Variants in PKP4 observed in about 807,000 individuals in gnomAD.
PKP4 encodes plakophilin 4.
A neutral mutation model predicts 145.1 loss-of-function variants in PKP4; 90 were observed. The observed-to-expected ratio is 0.62, with a 90% confidence interval of 0.52 to 0.74. The LOEUF (loss-of-function observed/expected upper bound fraction) is 0.74, where lower values mean the gene tolerates loss of function less well. Among genes scored for constraint, PKP4 ranks in the 30% least tolerant of loss-of-function variants. The pLI is 0.00. For synonymous variants in PKP4, 563 were observed against 577.2 expected, an observed-to-expected ratio of 0.98 and a Z score of 0.35; for missense variants, 1,340 against 1,482.7, an observed-to-expected ratio of 0.90 and a Z score of 1.58.
rs183651519 is a variant in PKP4 at position 158,496,273 on chromosome 2, G to A, written c.-5-36907G>A. On this transcript the variant is annotated intron_variant, in intron 1 of 21. Transcript: ENST00000389759. ...TGGGATTACAGGCTTGAGCCACTGC[G>A]CCTGGCCCAAAAATATTTTAAATAG... is the stretch of plus-strand genomic sequence containing the variant. Among the ~76,000 whole-genome samples the A allele has an allele frequency of 1.5e-3, 227 of 152,200 alleles. 1 individual carries two copies. Among genetic ancestry groups the A allele is most frequent in the African/African-American group, 5.0e-3 (208 of 41,518 alleles).
intron 4 of PKP4, among the ~76,000 whole-genome samples, chr2:158,604,393 G>A (rs2050478723): frequency 6.6e-6 from 1 of 152,286 alleles, no homozygotes; most frequent in South Asian, 2.1e-4. Context: ...CCGTGATCAT[G>A]GGGAGACACT....
At chr2:158,496,784 G>C (rs111777310) in intron 1 of PKP4, among the ~76,000 whole-genome samples, 11 of 108,728 alleles carry the variant, frequency 1.0e-4, no homozygotes, top group Non-Finnish European at 2.2e-4. Context: ...GTGTGTGTGT[G>C]TGTGTGTGTG....
intron 11 of PKP4, among the ~76,000 whole-genome samples, chr2:158,643,714 A>AAAAC (rs2054535269): frequency 9.4e-6 from 1 of 106,812 alleles, no homozygotes; most frequent in Non-Finnish European, 2.1e-5. Context: ...CCCTGTTTCA[A>AAAAC]AAAAAAAAAA....
intron 2 of PKP4, among the ~76,000 whole-genome samples, chr2:158,570,026 T>C (rs923198547): frequency 1.3e-5 from 2 of 152,224 alleles, no homozygotes; most frequent in Non-Finnish European, 2.9e-5. Flanking sequence ...CAATGATGAT[T>C]GACATCATAT....
chr2:158,522,681 G>A (rs137894343), intron 1 of PKP4, among the ~76,000 whole-genome samples: 3,300 of 152,300 alleles, frequency 0.022, 104 homozygotes, highest in African/African-American at 0.073. Flanking sequence ...CGTGAGCGAC[G>A]CAGAAGACGG....
intron 1 of PKP4, among the ~76,000 whole-genome samples, chr2:158,484,342 C>T (rs112083943): frequency 0.018 from 2,722 of 152,292 alleles, 36 homozygotes; most frequent in Non-Finnish European, 0.027. Context: ...CCACCGCGCC[C>T]GGCCTGCACA....
intron 2 of PKP4, among the ~76,000 whole-genome samples, chr2:158,538,534 CTT>C (rs11346852): frequency 2.7e-4 from 30 of 110,078 alleles, no homozygotes; most frequent in South Asian, 1.4e-3. Flanking sequence ...TCTCTAACCA[CTT>C]TTTTTTTTTT....
chr2:158,652,099 A>G (rs2055421589), intron 11 of PKP4, among the ~76,000 whole-genome samples: 1 of 152,214 alleles, frequency 6.6e-6, no homozygotes, highest in South Asian at 2.1e-4. Context: ...TGGGAAATCT[A>G]TTTTAGTAAT....
chr2:158,552,530 A>C (rs375163140), intron 2 of PKP4, among the ~76,000 whole-genome samples: 4 of 152,108 alleles, frequency 2.6e-5, no homozygotes, highest in African/African-American at 9.7e-5. Context: ...TGCTTTAAAC[A>C]AAACGTTGGT....
chr2:158,483,953 T>A (rs531030633), intron 1 of PKP4, among the ~76,000 whole-genome samples: 1 of 152,148 alleles, frequency 6.6e-6, no homozygotes, highest in Non-Finnish European at 1.5e-5. Context: ...CCAGCCTGAC[T>A]AATGAATTTC....
At chr2:158,668,593 T>G (rs1208913234) in intron 16 of PKP4, among the ~76,000 whole-genome samples, 2 of 152,224 alleles carry the variant, frequency 1.3e-5, no homozygotes, top group Non-Finnish European at 2.9e-5. Context: ...AAATGACAAA[T>G]TACATGTCAT....
intron 16 of PKP4, among the ~76,000 whole-genome samples, chr2:158,667,177 A>T (rs1419395206): frequency 6.6e-6 from 1 of 152,116 alleles, no homozygotes; most frequent in African/African-American, 2.4e-5. Context: ...TACGCTCCGC[A>T]CCCCAGGCAG....
chr2:158,561,696 T>C (rs1381716879), intron 2 of PKP4, among the ~76,000 whole-genome samples: 2 of 152,250 alleles, frequency 1.3e-5, no homozygotes, highest in Non-Finnish European at 2.9e-5. Flanking sequence ...CACTTTGTTA[T>C]GATTGTGGAG....
Position 158,625,090 on chromosome 2 carries a change from C to T in PKP4, c.816C>T (p.Ala272=). 6.2e-7 allele frequency: 1 copy of T among 1,614,192 alleles called. No homozygotes were observed. The highest frequency in any genetic ancestry group is 8.5e-7 in the Non-Finnish European group (1 of 1,180,022). The part of the protein sequence containing the change: ...SSTTLPAARA[A]SPYSQRPASP... The stretch of plus-strand genomic sequence containing the variant: ...CCACATTACCTGCTGCACGGGCAGC[C>T]TCTCCGTACTCACAGAGACCCGCCT... The change falls in exon 7 of 22, where the codon GCC becomes GCT. Residue 272 remains alanine, a synonymous_variant. Transcript: ENST00000389759.
intron 1 of PKP4, among the ~76,000 whole-genome samples, chr2:158,513,697 T>A (rs1442760538): frequency 6.6e-6 from 1 of 152,200 alleles, no homozygotes; most frequent in Non-Finnish European, 1.5e-5. Flanking sequence ...CAGTGACACC[T>A]CATTCAGTTT....
intron 1 of PKP4, among the ~76,000 whole-genome samples, chr2:158,484,527 G>T (rs887009722): frequency 7.9e-5 from 12 of 152,192 alleles, no homozygotes; most frequent in Non-Finnish European, 1.8e-4. Context: ...TTCTTAGGAA[G>T]TATTTCTCCT....
intron 1 of PKP4, among the ~76,000 whole-genome samples, chr2:158,512,691 A>G (rs1325057810): frequency 6.6e-6 from 1 of 152,220 alleles, no homozygotes; most frequent in African/African-American, 2.4e-5. Context: ...TTGAATTGGA[A>G]TAATCAGCTA....
intron 1 of PKP4, among the ~76,000 whole-genome samples, chr2:158,522,405 T>C (rs953090165): frequency 6.6e-6 from 1 of 151,992 alleles, no homozygotes; most frequent in Non-Finnish European, 1.5e-5. Flanking sequence ...AGCAGAAAAA[T>C]TGCCTGTTAA....
intron 1 of PKP4, among the ~76,000 whole-genome samples, chr2:158,516,017 C>T (rs1423775929): frequency 2.0e-5 from 3 of 149,352 alleles, no homozygotes; most frequent in Non-Finnish European, 4.4e-5. Flanking sequence ...TGTACTCCAG[C>T]CTGGGTGACA....
Sources: gnomAD v4.1 joint callset for allele counts (sites outside exome capture counted in the v4.1 genomes callset) on GRCh38, gnomAD v4.1.1 for gene constraint, MANE v1.5 for transcripts, NCBI Gene and HGNC (gene_info 2026-07-23, HGNC 2026-07-21) for gene names.